OGDH: variants seen among roughly 807,000 people sequenced by gnomAD.
OGDH encodes oxoglutarate dehydrogenase.
OGDH carries 38 observed loss-of-function variants against 116.6 expected under a neutral mutation model. The observed-to-expected ratio is 0.33, with a 90% confidence interval of 0.25 to 0.43. The LOEUF (loss-of-function observed/expected upper bound fraction) is 0.43, where lower values mean the gene tolerates loss of function less well. OGDH is among the 20% of genes least tolerant of loss of function. The pLI, the probability that OGDH is intolerant of heterozygous loss-of-function variation, is 1.00. For synonymous variants in OGDH, 488 were observed against 533.3 expected (o/e 0.92, Z 1.17); for missense variants, 825 against 1,357.2 (o/e 0.61, Z 6.16).
chr7:44,618,355 T>A (rs979346484), intron 1 of OGDH, among the ~76,000 whole-genome samples: 2 of 152,202 alleles, frequency 1.3e-5, no homozygotes, highest in African/African-American at 4.8e-5. Flanking sequence ...AGCATTTTCA[T>A]CCTCTCCTCC....
At chr7:44,628,582 T>G (rs1785297551) in intron 2 of OGDH, among the ~76,000 whole-genome samples, 1 of 151,624 alleles carries the variant, frequency 6.6e-6, no homozygotes, top group African/African-American at 2.4e-5. Context: ...AGGCCTTGTC[T>G]CTATTAAAAA....
intron 2 of OGDH, among the ~76,000 whole-genome samples, chr7:44,641,695 A>G (rs1279465096): frequency 2.0e-5 from 3 of 152,204 alleles, no homozygotes; most frequent in African/African-American, 7.2e-5. Flanking sequence ...AAGTGCAGTC[A>G]TTGGTCATCC....
intron 3 of OGDH, among the ~76,000 whole-genome samples, chr7:44,646,898 G>A (rs757702): frequency 0.19 from 28,733 of 152,058 alleles, 6,392 homozygotes; most frequent in African/African-American, 0.52. Flanking sequence ...CTCCTCCCCA[G>A]TTAAGGCCAA....
chr7:44,647,460 T>C (rs566433879), intron 3 of OGDH, 197 bp from the exon 4 acceptor site: 4 of 1,538,086 alleles, frequency 2.6e-6, no homozygotes, highest in East Asian at 2.4e-5. Context: ...GGTCACCACA[T>C]TGCAAAACTT....
chr7:44,636,415 G>A (rs1430754724), intron 2 of OGDH, among the ~76,000 whole-genome samples: 1 of 152,210 alleles, frequency 6.6e-6, no homozygotes, highest in African/African-American at 2.4e-5. Context: ...GCCGATATGT[G>A]GGAACAGACA....
chr7:44,695,584 T>A (rs573303661), intron 12 of OGDH, among the ~76,000 whole-genome samples: 103 of 151,984 alleles, frequency 6.8e-4, no homozygotes, highest in African/African-American at 2.5e-3. Context: ...GCACTTGTAG[T>A]CCCAGCTACT....
intron 10 of OGDH, among the ~76,000 whole-genome samples, chr7:44,688,915 A>G (rs1450802650): frequency 6.6e-6 from 1 of 151,640 alleles, no homozygotes; most frequent in Non-Finnish European, 1.5e-5. Flanking sequence ...ATGCCCGGCT[A>G]ATTTTTGTAT....
At chr7:44,685,091 T>G (rs965167382) in intron 10 of OGDH, among the ~76,000 whole-genome samples, 68 of 152,296 alleles carry the variant, frequency 4.5e-4, no homozygotes, top group African/African-American at 1.6e-3. Context: ...TGGCCTTTTT[T>G]CTGTTTTTTT....
chr7:44,639,870 G>A (rs906589498), intron 2 of OGDH, among the ~76,000 whole-genome samples: 2 of 152,240 alleles, frequency 1.3e-5, no homozygotes, highest in Admixed American at 1.3e-4. Flanking sequence ...CCTTCCCGGG[G>A]ATTCCCAGCA....
At chr7:44,630,352 T>C (rs1261778137) in intron 2 of OGDH, among the ~76,000 whole-genome samples, 1 of 152,236 alleles carries the variant, frequency 6.6e-6, no homozygotes, top group African/African-American at 2.4e-5. Flanking sequence ...GGAAGTCTGA[T>C]GTGCTCATAA....
chr7:44,625,282 G>A lies in OGDH; in HGVS notation c.222+717G>A, dbSNP rs767741912. Among the ~76,000 whole-genome samples the A allele has an allele frequency of 1.6e-3, 236 of 152,052 alleles. 2 individuals are homozygous for A. The highest frequency in any genetic ancestry group is 0.01 in the Middle Eastern group (3 of 292). ...TGGGACTACAGGTGCACGTCACCAC[G>A]CCTGACTAGTTTTTGTATTTTTAGT... On this transcript the variant is annotated intron_variant, in intron 2 of 22. Coordinates refer to ENST00000222673, the MANE Select transcript of OGDH (RefSeq NM_002541.4).
At position 44,643,471 on chromosome 7, in the gene OGDH, C is replaced by G. The variant is rs1006587624; in HGVS notation, c.223-1856C>G. Among the ~76,000 whole-genome samples, 3 of 152,190 alleles carry G rather than the reference C, an allele frequency of 2.0e-5. 1 individual carries two copies. The highest frequency in any genetic ancestry group is 4.1e-4 in the South Asian group (2 of 4,830). On this transcript the variant is annotated intron_variant, in intron 2 of 22. Coordinates refer to ENST00000222673, the MANE Select transcript of OGDH (RefSeq NM_002541.4). ...TCAAAAACAGATTTCACTGAGAGAT[C>G]AGACTCCCCTGCATGAGGCAGATGG...
At chr7:44,704,275 C>G (rs1381772426) in intron 20 of OGDH, among the ~76,000 whole-genome samples, 2 of 152,030 alleles carry the variant, frequency 1.3e-5, no homozygotes, top group Non-Finnish European at 2.9e-5. Flanking sequence ...TTCATTGTGG[C>G]TTTGATTTAT....
At position 44,707,129 on chromosome 7, in the gene OGDH, T is replaced by C; in HGVS notation, c.2633-96T>C. ...GCATCTCTAACCCTTGAAAGCTGCG[T>C]CTCCTGGCAGCAGTCCCTGGCACAG... On this transcript the variant is annotated intron_variant, in intron 20 of 22. Coordinates refer to ENST00000222673, the MANE Select transcript of OGDH (RefSeq NM_002541.4). The surrounding 1 kb of genome is among the most constrained non-coding windows in gnomAD (Gnocchi z 5.2). 1 of 1,324,960 alleles carries C rather than the reference T, an allele frequency of 7.5e-7. No individual in the cohort carries two copies. The allele number at this position is 1,324,960 out of a possible 1,614,324, so 82.1% of individuals were successfully genotyped here. A position where few individuals can be genotyped will look rare whatever the true frequency, so the allele number is the denominator to read the frequency against.
At chr7:44,667,638 G>A (rs1238766732) in intron 5 of OGDH, among the ~76,000 whole-genome samples, 1 of 152,200 alleles carries the variant, frequency 6.6e-6, no homozygotes, top group Non-Finnish European at 1.5e-5. Context: ...TAGGCTACCT[G>A]TGTCTAGTTC....
chr7:44,652,750 T>TC (rs1312945575), intron 4 of OGDH, among the ~76,000 whole-genome samples: 1 of 152,062 alleles, frequency 6.6e-6, no homozygotes, highest in Non-Finnish European at 1.5e-5. Flanking sequence ...ATAGTGAGGT[T>TC]CCTTGACAGC....
intron 8 of OGDH, among the ~76,000 whole-genome samples, chr7:44,675,680 C>A (rs1787660711): frequency 6.6e-6 from 1 of 151,990 alleles, no homozygotes. Flanking sequence ...GAGTTTGAGA[C>A]CAGCCTGACC....
chr7:44,666,883 C>T (rs1322686902), intron 5 of OGDH, 32 bp downstream of exon 5: 1 of 1,383,774 alleles, frequency 7.2e-7, no homozygotes, highest in African/African-American at 1.4e-5. Flanking sequence ...ATCTAATGGA[C>T]TTCTTAAGAA....
At chr7:44,700,344 A>G in intron 19 of OGDH, 75 bp downstream of exon 19, 2 of 1,577,740 alleles carry the variant, frequency 1.3e-6, no homozygotes, top group Admixed American at 3.6e-5. Flanking sequence ...CTCCTCAGAG[A>G]GCCTCTTGCT....
Sources: allele counts gnomAD v4.1 joint callset (sites outside exome capture counted in the v4.1 genomes callset), GRCh38; gene constraint gnomAD v4.1.1; non-coding constraint Gnocchi (gnomAD v3.1); transcripts MANE v1.5; gene names NCBI Gene and HGNC (gene_info 2026-07-23, HGNC 2026-07-21).